The following SOX6 variants were observed in gnomAD, a reference collection of about 807,000 sequenced individuals.
SOX6 encodes the protein SRY-box transcription factor 6.
In SOX6, 11 loss-of-function variants were observed where a neutral mutation model predicts 97.8. The ratio of observed to expected loss-of-function variants is 0.11; its 90% confidence interval spans 0.07 to 0.19. The LOEUF is 0.19. Among genes scored for constraint, SOX6 ranks in the 10% least tolerant of loss-of-function variants. The pLI is 1.00. For synonymous variants in SOX6, 360 were observed against 371.4 expected (o/e 0.97, Z 0.35); for missense variants, 810 against 1,039.5 (o/e 0.78, Z 3.04).
chr11:16,669,260 C>T (rs1255724773), intron 3 of SOX6, among the ~76,000 whole-genome samples: 1 of 152,202 alleles, frequency 6.6e-6, no homozygotes, highest in African/African-American at 2.4e-5. Context: ...AATAAAAATA[C>T]ATGGAAATTA....
At chr11:16,703,144 C>T (rs1449600893) in intron 3 of SOX6, among the ~76,000 whole-genome samples, 1 of 151,718 alleles carries the variant, frequency 6.6e-6, no homozygotes, top group Non-Finnish European at 1.5e-5. Flanking sequence ...GCATGGTTTA[C>T]TACATGATCG....
intron 12 of SOX6, among the ~76,000 whole-genome samples, chr11:16,030,190 T>A (rs1357746232): frequency 2.0e-5 from 3 of 152,160 alleles, no homozygotes; most frequent in African/African-American, 7.2e-5. Context: ...CCAAATAAAG[T>A]CTTAGTGTAA....
chr11:16,243,298 T>C (rs1853245821), intron 3 of SOX6, among the ~76,000 whole-genome samples: 1 of 151,968 alleles, frequency 6.6e-6, no homozygotes, highest in Non-Finnish European at 1.5e-5. Context: ...TTTACCACCA[T>C]CTGATTAATT....
chr11:16,107,437 A>G (rs183708778), intron 7 of SOX6, among the ~76,000 whole-genome samples: 2 of 148,118 alleles, frequency 1.4e-5, no homozygotes, highest in Admixed American at 6.8e-5. Context: ...ACATATATAT[A>G]CACAATTGAA....
intron 1 of SOX6, among the ~76,000 whole-genome samples, chr11:16,422,178 G>A (rs1310362826): frequency 6.6e-6 from 1 of 152,132 alleles, no homozygotes; most frequent in East Asian, 1.9e-4. Context: ...TGGGTACATT[G>A]AAATAGTCTT....
At chr11:16,522,314 G>A (rs1590232229) in intron 4 of SOX6, among the ~76,000 whole-genome samples, 1 of 151,990 alleles carries the variant, frequency 6.6e-6, no homozygotes, top group African/African-American at 2.4e-5. Context: ...GAAGACAGTG[G>A]GGGCCAATAT....
chr11:16,566,267 C>T (rs1847873510), intron 4 of SOX6, among the ~76,000 whole-genome samples: 1 of 152,152 alleles, frequency 6.6e-6, no homozygotes, highest in Admixed American at 6.5e-5. Flanking sequence ...CAGAAGTCTT[C>T]ATGAACCTTC....
At chr11:16,044,646 C>T (rs527256838) in intron 12 of SOX6, among the ~76,000 whole-genome samples, 2 of 152,114 alleles carry the variant, frequency 1.3e-5, no homozygotes, top group Non-Finnish European at 2.9e-5. Flanking sequence ...AGCAAGCAAT[C>T]ATAGATACTG....
At chr11:16,232,151 A>G (rs1300493375) in intron 4 of SOX6, among the ~76,000 whole-genome samples, 4 of 151,934 alleles carry the variant, frequency 2.6e-5, no homozygotes, top group African/African-American at 9.7e-5. Context: ...AATTTAGGTC[A>G]CCTTAAAATT....
At chr11:16,527,713 G>C (rs566677595) in intron 4 of SOX6, among the ~76,000 whole-genome samples, 1 of 152,216 alleles carries the variant, frequency 6.6e-6, no homozygotes, top group East Asian at 1.9e-4. Flanking sequence ...TCTGTTTGGA[G>C]AACAGCATGT....
intron 9 of SOX6, among the ~76,000 whole-genome samples, chr11:16,082,064 T>C (rs546841810): frequency 6.6e-6 from 1 of 152,306 alleles, no homozygotes; most frequent in African/African-American, 2.4e-5. Flanking sequence ...AGACTGGTAA[T>C]TGTCACCCTA....
At chr11:16,088,519 C>T (rs1049612688) in intron 9 of SOX6, among the ~76,000 whole-genome samples, 6 of 152,210 alleles carry the variant, frequency 3.9e-5, no homozygotes, top group East Asian at 1.9e-4. Context: ...TCCATAGTTG[C>T]GCCCTTTCCA....
chr11:16,421,548 C>A (rs369926872), intron 1 of SOX6, among the ~76,000 whole-genome samples: 1 of 152,024 alleles, frequency 6.6e-6, no homozygotes, highest in East Asian at 1.9e-4. Flanking sequence ...TGTATGTAAC[C>A]CTTTATAATG....
intron 3 of SOX6, chr11:16,646,080 A>G (rs911531408): frequency 2.0e-5 from 3 of 152,264 alleles, no homozygotes; most frequent in Non-Finnish European, 4.4e-5. Flanking sequence ...TTCTCCAAGT[A>G]CCTTTTCATT....
intron 3 of SOX6, among the ~76,000 whole-genome samples, chr11:16,295,736 G>A (rs1855061647): frequency 6.6e-6 from 1 of 152,014 alleles, no homozygotes; most frequent in Non-Finnish European, 1.5e-5. Flanking sequence ...TACCAAAAGA[G>A]CTTTGCTATT....
Position 16,721,160 on chromosome 11 carries a change from A to C in SOX6, n.354-6255T>G, listed in dbSNP as rs888569060. ...TAATAAAAGGCAAGGACGCTTGATT[A>C]AACTTAGGTTCAAGGCCCAACTTAG... is the stretch of plus-strand genomic sequence containing the variant. On this transcript the variant is annotated intron_variant and non_coding_transcript_variant, in intron 2 of 5. Transcript: ENST00000524520. 2.0e-5 allele frequency among the ~76,000 whole-genome samples: 3 copies of C among 152,316 alleles called. No homozygotes were observed. In the South Asian group the frequency reaches 6.2e-4, roughly 32 times the overall value.
intron 3 of SOX6, among the ~76,000 whole-genome samples, chr11:16,307,620 C>T (rs956785499): frequency 2.0e-5 from 3 of 152,302 alleles, no homozygotes; most frequent in Admixed American, 6.5e-5. Flanking sequence ...TAAAGGCATT[C>T]TGGAGTGAAA....
chr11:16,449,527 C>T (rs1214703765), intron 1 of SOX6, among the ~76,000 whole-genome samples: 4 of 152,008 alleles, frequency 2.6e-5, no homozygotes, highest in Non-Finnish European at 5.9e-5. Context: ...CTCCTGACCC[C>T]GTGATCTGCC....
chr11:16,642,002 C>T (rs1251498956), intron 3 of SOX6, among the ~76,000 whole-genome samples: 2 of 152,136 alleles, frequency 1.3e-5, no homozygotes, highest in Non-Finnish European at 1.5e-5. Context: ...TTCCTAGCCT[C>T]GATGGTCTTT....
Sources: allele counts gnomAD v4.1 joint callset (sites outside exome capture counted in the v4.1 genomes callset), GRCh38; gene constraint gnomAD v4.1.1; transcripts MANE v1.5; gene names NCBI Gene and HGNC (gene_info 2026-07-23, HGNC 2026-07-21).